AXDND1: variants seen among roughly 807,000 people sequenced by gnomAD.
AXDND1 encodes axonemal dynein light chain domain-containing protein 1.
Under a neutral mutation model 137.5 loss-of-function variants are expected in AXDND1, and 110 were observed. The ratio of observed to expected loss-of-function variants is 0.80; its 90% CI spans 0.69 to 0.94. AXDND1 has a LOEUF of 0.94. Ranked by LOEUF, AXDND1 falls within the 40% of genes least tolerant of loss-of-function variation. The probability of loss-of-function intolerance (pLI) is 0.00; values close to 1 mark genes in which losing one functional copy is unlikely to be tolerated. For missense variants in AXDND1, 1,191 were observed against 1,169.8 expected, an observed-to-expected ratio of 1.02 and a Z score of -0.26; for synonymous variants, 414 against 399.7, an observed-to-expected ratio of 1.04 and a Z score of -0.43.
At chr1:179,427,913 G>A (rs1656803420) in intron 12 of AXDND1, among the ~76,000 whole-genome samples, 1 of 147,304 alleles carries the variant, frequency 6.8e-6, no homozygotes, top group Non-Finnish European at 1.5e-5. Flanking sequence ...ACTCAGGGCA[G>A]CCACCTAAAG....
At chr1:179,477,142 A>AT (rs561941840) in intron 17 of AXDND1, among the ~76,000 whole-genome samples, 2 of 151,404 alleles carry the variant, frequency 1.3e-5, no homozygotes, top group Non-Finnish European at 3.0e-5. Flanking sequence ...GTGATTTTAA[A>AT]TTTTTTTCAG....
intron 25 of AXDND1, chr1:179,543,421 G>A (rs1344506273): frequency 6.6e-6 from 1 of 152,180 alleles, no homozygotes; most frequent in African/African-American, 2.4e-5. Context: ...ATGTAAGATG[G>A]AGATGGCAGC....
intron 25 of AXDND1, among the ~76,000 whole-genome samples, chr1:179,549,150 C>T (rs1352849090): frequency 4.6e-5 from 7 of 152,104 alleles, no homozygotes; most frequent in Non-Finnish European, 1.0e-4. Flanking sequence ...TAGAACATAT[C>T]ATGGTTTTAG....
chr1:179,464,711 T>A (rs143488618), intron 16 of AXDND1, among the ~76,000 whole-genome samples: 3,578 of 152,316 alleles, frequency 0.023, 121 homozygotes, highest in African/African-American at 0.079. Flanking sequence ...GAAGAGTGTT[T>A]TCCAACTTGG....
At chr1:179,528,478 G>A in intron 23 of AXDND1, 47 bp downstream of exon 23, 1 of 1,312,820 alleles carries the variant, frequency 7.6e-7, no homozygotes, top group Non-Finnish European at 1.1e-6. Context: ...ATTTAACATT[G>A]CATAAAAATG....
Position 179,418,949 on chromosome 1 carries a change from C to T in AXDND1, c.1230+7683C>T, listed in dbSNP as rs190056003. ...CTCACCTCCCAGACGGGGTCGCCGC[C>T]GGGCAGAGGCGCTCCTCACATCCCA... On this transcript the variant is annotated intron_variant, in intron 12 of 25. Transcript: ENST00000367618. Among the ~76,000 whole-genome samples, 328 of 151,440 alleles carry T rather than the reference C, an allele frequency of 2.2e-3. 3 individuals carry two copies. Among genetic ancestry groups the T allele is most frequent in the Middle Eastern group, 0.014 (4 of 292 alleles).
At chr1:179,399,626 A>G (rs1177626957) in intron 11 of AXDND1, among the ~76,000 whole-genome samples, 1 of 152,246 alleles carries the variant, frequency 6.6e-6, no homozygotes. Flanking sequence ...AACAGTCAGC[A>G]GAGTAAACAG....
At chr1:179,489,714 G>A (rs1169622595) in intron 18 of AXDND1, among the ~76,000 whole-genome samples, 5 of 147,430 alleles carry the variant, frequency 3.4e-5, no homozygotes, top group African/African-American at 1.2e-4. Context: ...GGAAGTTTGG[G>A]TTTTTATTGG....
chr1:179,551,284 CAGT>C (rs1365289022), intron 25 of AXDND1: 1 of 1,614,054 alleles, frequency 6.2e-7, no homozygotes, highest in Admixed American at 1.7e-5. Flanking sequence ...ACAGGCAATT[CAGT>C]AGGTCAAATG....
chr1:179,377,890 C>T (rs113472870), intron 4 of AXDND1, among the ~76,000 whole-genome samples: 2,723 of 152,132 alleles, frequency 0.018, 68 homozygotes, highest in African/African-American at 0.061. Flanking sequence ...AACATGACAG[C>T]GGCCGGGCAT....
At chr1:179,381,943 A>ATTTTTTTTTTTTTTTTTTTT (rs71111920) in intron 6 of AXDND1, among the ~76,000 whole-genome samples, 1 of 105,434 alleles carries the variant, frequency 9.5e-6, no homozygotes, top group African/African-American at 3.7e-5. Flanking sequence ...ACCACACCTA[A>ATTTTTTTTTTTTTTTTTTTT]TTTTTTTTTT....
intron 12 of AXDND1, among the ~76,000 whole-genome samples, chr1:179,423,879 A>C (rs1258348730): frequency 6.6e-6 from 1 of 152,192 alleles, no homozygotes. Context: ...TGAGTGGATT[A>C]CACACTACAG....
intron 12 of AXDND1, among the ~76,000 whole-genome samples, chr1:179,422,784 G>C (rs1372093005): frequency 1.3e-5 from 2 of 151,616 alleles, no homozygotes; most frequent in Non-Finnish European, 1.5e-5. Context: ...TTTTCTTTGA[G>C]ATGAAGTCTC....
At chr1:179,494,376 T>C (rs1667236639) in intron 20 of AXDND1, among the ~76,000 whole-genome samples, 1 of 152,210 alleles carries the variant, frequency 6.6e-6, no homozygotes, top group African/African-American at 2.4e-5. Context: ...GTATTTGTAA[T>C]CCATGTATTT....
chr1:179,366,003 A>G lies in AXDND1; in HGVS notation c.-107+3A>G, dbSNP rs17369102. Reference sequence around the variant, plus strand: ...GGAAGTGAGCGGATGCTGGGCGGGTACGCAATGTGTGGGTAGGATCGCGGG... The same window carrying G: ...GGAAGTGAGCGGATGCTGGGCGGGTGCGCAATGTGTGGGTAGGATCGCGGG... On this transcript the variant is annotated splice_donor_region_variant and intron_variant, in intron 1 of 25. Transcript: ENST00000367618. 0.2 allele frequency: 30,478 copies of G among 152,866 alleles called. 3,790 individuals carry two copies. The highest frequency in any genetic ancestry group is 0.27 in the Middle Eastern group (79 of 294). The allele number at this position is 152,866 out of a possible 1,614,324, so 9.5% of individuals were successfully genotyped here.
intron 20 of AXDND1, 67 bp downstream of exon 20, chr1:179,493,018 C>A: frequency 9.6e-7 from 1 of 1,036,896 alleles, no homozygotes; most frequent in African/African-American, 1.6e-5. Flanking sequence ...TTTTGAAGTT[C>A]AATTGATGTA....
At chr1:179,517,632 T>G (rs1157285007) in intron 21 of AXDND1, among the ~76,000 whole-genome samples, 1 of 152,240 alleles carries the variant, frequency 6.6e-6, no homozygotes, top group Non-Finnish European at 1.5e-5. Context: ...TTCCTGCTGC[T>G]TCCTCTACCC....
At chr1:179,393,400 T>C (rs1650509264) in intron 9 of AXDND1, among the ~76,000 whole-genome samples, 1 of 152,188 alleles carries the variant, frequency 6.6e-6, no homozygotes, top group South Asian at 2.1e-4. Context: ...TCAGGTAATG[T>C]GATGTTTCCA....
intron 15 of AXDND1, among the ~76,000 whole-genome samples, chr1:179,436,394 A>G (rs933510135): frequency 2.0e-5 from 3 of 152,234 alleles, no homozygotes; most frequent in Non-Finnish European, 2.9e-5. Context: ...GTGCACATGT[A>G]TATTTATTGC....
Sources: gnomAD v4.1 joint callset for allele counts (sites outside exome capture counted in the v4.1 genomes callset) on GRCh38, gnomAD v4.1.1 for gene constraint, MANE v1.5 for transcripts, NCBI Gene and HGNC (gene_info 2026-07-23, HGNC 2026-07-21) for gene names.